The following SMYD1 variants were observed in gnomAD, a reference collection of about 807,000 sequenced individuals.
The protein encoded by SMYD1 is SET and MYND domain containing 1.
A neutral mutation model predicts 54.0 loss-of-function variants in SMYD1; 49 were observed. The observed-to-expected ratio is 0.91, with a 90% CI of 0.72 to 1.15. SMYD1 has a LOEUF of 1.15. Ranked by LOEUF, SMYD1 falls within the 50% of genes most tolerant of loss-of-function variation. SMYD1 has a pLI of 0.00. For synonymous variants in SMYD1, 269 were observed against 234.2 expected (o/e 1.15, Z -1.36); for missense variants, 653 against 639.6 (o/e 1.02, Z -0.23).
intron 5 of SMYD1, among the ~76,000 whole-genome samples, chr2:88,094,881 C>T (rs1408426010): frequency 6.6e-6 from 1 of 152,166 alleles, no homozygotes; most frequent in Non-Finnish European, 1.5e-5. Context: ...CACACTCTAT[C>T]CTGGCCCAGG....
At chr2:88,077,676 A>G (rs1188085512) in intron 1 of SMYD1, among the ~76,000 whole-genome samples, 1 of 148,080 alleles carries the variant, frequency 6.8e-6, no homozygotes, top group East Asian at 2.0e-4. Flanking sequence ...TTATTTGGAC[A>G]CTCTCCTGCA....
chr2:88,069,775 CAT>C (rs561470634), intron 1 of SMYD1, among the ~76,000 whole-genome samples: 204 of 152,284 alleles, frequency 1.3e-3, no homozygotes, highest in South Asian at 1.9e-3. Flanking sequence ...TGTTTTAAAA[CAT>C]AGGTTTCATT....
intron 5 of SMYD1, among the ~76,000 whole-genome samples, chr2:88,094,627 T>C (rs757986379): frequency 1.7e-4 from 26 of 152,336 alleles, no homozygotes; most frequent in Non-Finnish European, 2.9e-4. Context: ...TTTTCATATT[T>C]AAGTGACATT....
intron 8 of SMYD1, among the ~76,000 whole-genome samples, chr2:88,107,703 G>T (rs2083627): frequency 0.22 from 33,879 of 152,212 alleles, 4,456 homozygotes; most frequent in East Asian, 0.52. Context: ...TGCTGTGCTA[G>T]CAATGAGCGA....
intron 1 of SMYD1, among the ~76,000 whole-genome samples, chr2:88,069,954 T>C (rs1673910041): frequency 6.6e-6 from 1 of 152,242 alleles, no homozygotes; most frequent in Non-Finnish European, 1.5e-5. Context: ...TTTTTGTTAT[T>C]ATAAATAATT....
chr2:88,081,149 T>C (rs1266966923), intron 1 of SMYD1, among the ~76,000 whole-genome samples: 1 of 152,118 alleles, frequency 6.6e-6, no homozygotes, highest in Non-Finnish European at 1.5e-5. Context: ...ATGATCCACC[T>C]GCCTTGGCCT....
At chr2:88,069,283 G>A (rs1450258957) in intron 1 of SMYD1, among the ~76,000 whole-genome samples, 1 of 152,142 alleles carries the variant, frequency 6.6e-6, no homozygotes, top group East Asian at 1.9e-4. Flanking sequence ...CAGATAACTT[G>A]ATTAGTATTC....
rs370596337 is a variant in SMYD1 at position 88,110,394 on chromosome 2, G to T, written c.1355G>T (p.Arg452Leu). The T allele has an allele frequency of 7.4e-6, 12 of 1,612,736 alleles. No individual in the cohort carries two copies. Among genetic ancestry groups the T allele is most frequent in the South Asian group, 2.2e-5 (2 of 90,584 alleles). ...VQTEMELRMFRQNEFMYYKMR... is the reference protein window; with the variant it reads ...VQTEMELRMFLQNEFMYYKMR... Reference sequence around the variant, plus strand: ...ACGGAGATGGAGCTACGCATGTTCCGCCAGAACGAATTCATGTACTACAAG... The same window carrying T: ...ACGGAGATGGAGCTACGCATGTTCCTCCAGAACGAATTCATGTACTACAAG... Residue 452 changes from arginine to leucine, a missense_variant, in exon 10 of 10, where the codon CGC becomes CTC. Physicochemically the swap from Arg to Leu is moderately radical, Grantham distance 102. Transcript: ENST00000419482.
chr2:88,069,570 T>C (rs757707996), intron 1 of SMYD1, among the ~76,000 whole-genome samples: 14 of 152,230 alleles, frequency 9.2e-5, no homozygotes, highest in South Asian at 2.1e-4. Flanking sequence ...CCTGGCCTTG[T>C]GAAGAACATC....
intron 1 of SMYD1, among the ~76,000 whole-genome samples, chr2:88,080,572 T>C (rs1321199787): frequency 6.6e-6 from 1 of 152,174 alleles, no homozygotes; most frequent in Non-Finnish European, 1.5e-5. Flanking sequence ...ATGATTGTGC[T>C]TGCGTCTAAC....
intron 1 of SMYD1, among the ~76,000 whole-genome samples, chr2:88,079,830 A>C (rs1674148758): frequency 1.3e-5 from 2 of 152,136 alleles, no homozygotes; most frequent in South Asian, 4.2e-4. Flanking sequence ...CAAAAGAAAA[A>C]ACAAAAAACA....
intron 5 of SMYD1, among the ~76,000 whole-genome samples, chr2:88,095,656 G>A (rs1379697439): frequency 6.6e-6 from 1 of 152,218 alleles, no homozygotes; most frequent in Non-Finnish European, 1.5e-5. Flanking sequence ...CTTCCTACTA[G>A]GCAGGGAGGT....
intron 4 of SMYD1, 143 bp downstream of exon 4, chr2:88,091,285 C>A (rs1674456865): frequency 2.2e-6 from 2 of 889,204 alleles, no homozygotes; most frequent in Non-Finnish European, 3.3e-6. Flanking sequence ...AATCTCATTC[C>A]AGAATAATTG....
In SMYD1 at chr2:88,112,047, C is replaced by T. The variant is rs1172876091; in HGVS notation, c.*1535C>T. 1.4e-6 allele frequency: 1 copy of T among 703,018 alleles called. No homozygotes were observed. Among genetic ancestry groups the T allele is most frequent in the Non-Finnish European group, 2.6e-6 (1 of 384,966 alleles). 43.5% of individuals were successfully genotyped at this position (703,018 alleles called of 1,614,324 possible). Reference sequence around the variant, plus strand: ...ACTCTGCAAATGGGCCACACTTTTGCAAAATACTTGTATCTGACACTTAGG... The same window carrying T: ...ACTCTGCAAATGGGCCACACTTTTGTAAAATACTTGTATCTGACACTTAGG... On this transcript the variant is annotated 3_prime_UTR_variant, in exon 10 of 10. Transcript: ENST00000419482.
In SMYD1 at chr2:88,112,048, A is replaced by G; in HGVS notation, c.*1536A>G. On this transcript the variant is annotated 3_prime_UTR_variant, in exon 10 of 10. Transcript: ENST00000419482. Reference sequence around the variant, plus strand: ...CTCTGCAAATGGGCCACACTTTTGCAAAATACTTGTATCTGACACTTAGGT... The same window carrying G: ...CTCTGCAAATGGGCCACACTTTTGCGAAATACTTGTATCTGACACTTAGGT... 4.3e-6 allele frequency: 3 copies of G among 703,064 alleles called. No individual in the cohort carries two copies. The highest frequency in any genetic ancestry group is 7.8e-6 in the Non-Finnish European group (3 of 384,984). The allele number at this position is 703,064 out of a possible 1,614,324, so 43.6% of individuals were successfully genotyped here.
At chr2:88,068,831 A>G (rs1340665987) in intron 1 of SMYD1, among the ~76,000 whole-genome samples, 2 of 152,178 alleles carry the variant, frequency 1.3e-5, no homozygotes, top group Non-Finnish European at 2.9e-5. Flanking sequence ...ATTTCATCCT[A>G]TAAATATATG....
Position 88,106,447 on chromosome 2 carries a change from G to C in SMYD1, c.1104G>C (p.Glu368Asp). 6.2e-7 allele frequency: 1 copy of C among 1,614,186 alleles called. No individual in the cohort carries two copies. Among genetic ancestry groups the C allele is most frequent in the Non-Finnish European group, 8.5e-7 (1 of 1,180,032 alleles). ...TCCTTTCCTACCTCCAGGCCTTTGA[G>C]GAGGCCTCGTTCTATGCCAGGAGGA... is the stretch of plus-strand genomic sequence containing the variant. Reference protein sequence around the residue: ...SEVLSYLQAFEEASFYARRMV... With the variant: ...SEVLSYLQAFDEASFYARRMV... Residue 368 changes from glutamate to aspartate, a missense_variant, in exon 8 of 10, where the codon GAG becomes GAC. Transcript: ENST00000419482.
At chr2:88,107,545 A>C (rs1393766521) in intron 8 of SMYD1, among the ~76,000 whole-genome samples, 2 of 152,154 alleles carry the variant, frequency 1.3e-5, no homozygotes, top group Non-Finnish European at 2.9e-5. Context: ...GATAATATGG[A>C]GTCTACAGAG....
chr2:88,076,161 T>A (rs946343639), intron 1 of SMYD1, among the ~76,000 whole-genome samples: 1 of 152,172 alleles, frequency 6.6e-6, no homozygotes, highest in African/African-American at 2.4e-5. Flanking sequence ...TGTTTATATG[T>A]GTTTATGTCC....
Sources: allele counts gnomAD v4.1 joint callset (sites outside exome capture counted in the v4.1 genomes callset), GRCh38; gene constraint gnomAD v4.1.1; transcripts MANE v1.5; gene names NCBI Gene and HGNC (gene_info 2026-07-23, HGNC 2026-07-21).